MAST4: variants seen among roughly 807,000 people sequenced by gnomAD.
The protein encoded by MAST4 is microtubule associated serine/threonine kinase family member 4.
MAST4 carries 89 observed loss-of-function variants against 162.7 expected under a neutral mutation model. The ratio of observed to expected loss-of-function variants is 0.55; its 90% confidence interval spans 0.46 to 0.65. The LOEUF is 0.65. Among genes scored for constraint, MAST4 ranks in the 30% least tolerant of loss-of-function variants. MAST4 has a pLI of 0.00. For synonymous variants in MAST4, 1,479 were observed against 1,361.1 expected (o/e 1.09, Z -1.91); for missense variants, 3,153 against 3,374.0 (o/e 0.93, Z 1.62).
At chr5:66,744,162 C>T (rs1001900706) in intron 1 of MAST4, among the ~76,000 whole-genome samples, 3 of 152,178 alleles carry the variant, frequency 2.0e-5, no homozygotes, top group African/African-American at 7.2e-5. Context: ...CCCTCCATCC[C>T]CCAGAGACAT....
At position 67,152,652 on chromosome 5, in the gene MAST4, C is replaced by G. The variant is rs748530763; in HGVS notation, c.3311C>G (p.Ser1104Cys). The G allele has an allele frequency of 6.2e-7, 1 of 1,613,964 alleles. No homozygotes were observed. The highest frequency in any genetic ancestry group is 8.5e-7 in the Non-Finnish European group (1 of 1,179,820). ...LMIPGDMFAV[S>C]PLGSPMSPHS... is the part of the protein sequence containing the mutation. ...TTTGTTACAGATATGTTTGCTGTTT[C>G]CCCTCTGGGAAGTCCAATGTCTCCC... Residue 1104 changes from serine (S) to cysteine (C), a missense_variant, in exon 25 of 29, where the codon TCC (serine) becomes TGC (cysteine). Coordinates refer to ENST00000403625, the MANE Select transcript of MAST4 (RefSeq NM_001164664.2).
Position 66,830,352 on chromosome 5 carries a change from G to A in MAST4, c.642+41558G>A, listed in dbSNP as rs541138861. 1.6e-4 allele frequency among the ~76,000 whole-genome samples: 24 copies of A among 152,140 alleles called. No homozygotes were observed. In the South Asian group the frequency reaches 4.8e-3, roughly 30 times the overall value. On this transcript the variant is annotated intron_variant, in intron 3 of 28. Coordinates refer to ENST00000403625, the MANE Select transcript of MAST4 (RefSeq NM_001164664.2). ...GCATATAGTGCTTGTGAGGGGCATG[G>A]TTTTCATGGGCCTTTAATTTTAGAA...
chr5:67,130,306 G>A lies in MAST4; in HGVS notation c.1842G>A (p.Gln614=), dbSNP rs1768807877. The part of the protein sequence containing the change: ...QNLILRNQIQ[Q]AFVERDILTF... The stretch of plus-strand genomic sequence containing the variant: ...TCATCCTTCGAAACCAGATCCAGCA[G>A]GCCTTTGTGGAGCGGGATATCCTGA... The change falls in exon 15 of 29, where the codon CAG becomes CAA. Residue 614 remains glutamine (Q), a synonymous_variant. Coordinates refer to ENST00000403625, the MANE Select transcript of MAST4 (RefSeq NM_001164664.2). 6.2e-7 allele frequency: 1 copy of A among 1,613,796 alleles called. No individual in the cohort carries two copies. Among genetic ancestry groups the A allele is most frequent in the Non-Finnish European group, 8.5e-7 (1 of 1,179,858 alleles).
chr5:67,064,005 C>T (rs1254336526), intron 5 of MAST4, among the ~76,000 whole-genome samples: 1 of 152,130 alleles, frequency 6.6e-6, no homozygotes, highest in Admixed American at 6.6e-5. Context: ...CCAACTTGCT[C>T]ATGAGTCATT....
intron 4 of MAST4, among the ~76,000 whole-genome samples, chr5:66,954,915 G>C (rs1401319034): frequency 7.0e-6 from 1 of 143,238 alleles, no homozygotes; most frequent in Admixed American, 6.7e-5. Flanking sequence ...AAAAAAGGGA[G>C]AAAGGCCAGA....
chr5:66,853,136 G>A (rs752908433), intron 3 of MAST4, among the ~76,000 whole-genome samples: 4 of 152,200 alleles, frequency 2.6e-5, no homozygotes, highest in Non-Finnish European at 4.4e-5. Flanking sequence ...TCTAATGAAA[G>A]TGAACTTTTG....
At chr5:66,606,640 G>A (rs186981158) in intron 1 of MAST4, among the ~76,000 whole-genome samples, 13 of 152,274 alleles carry the variant, frequency 8.5e-5, no homozygotes, top group Admixed American at 5.2e-4. Flanking sequence ...AGTTTGCACA[G>A]CCTTTTCTCA....
At chr5:66,884,209 T>A (rs111568437) in intron 3 of MAST4, among the ~76,000 whole-genome samples, 6 of 152,238 alleles carry the variant, frequency 3.9e-5, no homozygotes, top group Non-Finnish European at 8.8e-5. Flanking sequence ...CCAGAGATTA[T>A]GTTACTTGCT....
chr5:66,753,197 C>T (rs568783954), intron 1 of MAST4, among the ~76,000 whole-genome samples: 1 of 152,048 alleles, frequency 6.6e-6, no homozygotes, highest in African/African-American at 2.4e-5. Flanking sequence ...AAAGAGAAAG[C>T]AGGAAAGATC....
At chr5:66,940,352 A>G (rs191107195) in intron 4 of MAST4, among the ~76,000 whole-genome samples, 2 of 152,254 alleles carry the variant, frequency 1.3e-5, no homozygotes, top group African/African-American at 2.4e-5. Flanking sequence ...AAGATTATCC[A>G]TAGCAGTCAA....
At chr5:66,624,800 CT>C (rs1376854682) in intron 1 of MAST4, among the ~76,000 whole-genome samples, 35 of 152,306 alleles carry the variant, frequency 2.3e-4, no homozygotes, top group African/African-American at 7.9e-4. Context: ...AAAGGATAGA[CT>C]TTTCAGCAAA....
At chr5:66,704,297 T>A (rs1432482793) in intron 1 of MAST4, among the ~76,000 whole-genome samples, 3 of 152,080 alleles carry the variant, frequency 2.0e-5, no homozygotes, top group Non-Finnish European at 4.4e-5. Context: ...AGTTTCCTTA[T>A]CTGTGAAATG....
chr5:67,081,011 A>G (rs1366308384), intron 5 of MAST4, among the ~76,000 whole-genome samples: 2 of 137,362 alleles, frequency 1.5e-5, no homozygotes, highest in Non-Finnish European at 3.1e-5. Flanking sequence ...ATAATATAAT[A>G]TATAATTGTA....
chr5:66,889,014 T>C (rs1410992357), intron 3 of MAST4, among the ~76,000 whole-genome samples: 1 of 152,248 alleles, frequency 6.6e-6, no homozygotes, highest in Admixed American at 6.5e-5. Flanking sequence ...TTCTAAAAGG[T>C]GTCTTATATC....
chr5:67,103,186 C>T (rs1256454194), intron 9 of MAST4, among the ~76,000 whole-genome samples: 1 of 152,058 alleles, frequency 6.6e-6, no homozygotes, highest in African/African-American at 2.4e-5. Context: ...GCTGCCAAGC[C>T]CCTGGCTGCA....
intron 2 of MAST4, among the ~76,000 whole-genome samples, chr5:66,770,418 G>A (rs2149635667): frequency 6.6e-6 from 1 of 152,294 alleles, no homozygotes; most frequent in South Asian, 2.1e-4. Context: ...CTCTCTGTCA[G>A]GGAGCCTTCT....
chr5:66,902,536 G>A (rs1043207162), intron 4 of MAST4: 8 of 212,094 alleles, frequency 3.8e-5, no homozygotes, highest in Non-Finnish European at 7.0e-5. Context: ...GTATAAAAAA[G>A]CAAACTATTC....
chr5:67,067,971 G>A (rs911216870), intron 5 of MAST4, among the ~76,000 whole-genome samples: 10 of 152,072 alleles, frequency 6.6e-5, no homozygotes, highest in African/African-American at 2.4e-4. Context: ...TCTAGGAAAC[G>A]GAGACCCAGT....
At chr5:66,637,121 C>G (rs137939012) in intron 1 of MAST4, among the ~76,000 whole-genome samples, 75 of 152,180 alleles carry the variant, frequency 4.9e-4, no homozygotes, top group African/African-American at 1.7e-3. Flanking sequence ...TCTAGTTTTT[C>G]CCCCCTCACT....
Sources: gnomAD v4.1 joint callset for allele counts (sites outside exome capture counted in the v4.1 genomes callset) on GRCh38, gnomAD v4.1.1 for gene constraint, MANE v1.5 for transcripts, NCBI Gene and HGNC (gene_info 2026-07-23, HGNC 2026-07-21) for gene names.